TMEM132B: variants seen among roughly 807,000 people sequenced by gnomAD.
The protein encoded by TMEM132B is transmembrane protein 132B.
In TMEM132B, 18 loss-of-function variants were observed where a neutral mutation model predicts 90.8. The observed-to-expected ratio is 0.20, with a 90% CI of 0.14 to 0.29. The LOEUF is 0.29. Ranked by LOEUF, TMEM132B falls within the 10% of genes least tolerant of loss-of-function variation. The probability of loss-of-function intolerance (pLI) is 1.00; values close to 1 mark genes in which losing one functional copy is unlikely to be tolerated. For missense variants in TMEM132B, 1,096 were observed against 1,326.8 expected, an observed-to-expected ratio of 0.83 and a Z score of 2.70; for synonymous variants, 504 against 523.3, an observed-to-expected ratio of 0.96 and a Z score of 0.50.
chr12:125,596,452 G>T (rs576953393), intron 5 of TMEM132B, among the ~76,000 whole-genome samples: 1 of 152,230 alleles, frequency 6.6e-6, no homozygotes, highest in South Asian at 2.1e-4. Flanking sequence ...TTTCTAAACT[G>T]CTCTTTATTT....
rs1880567297 is a variant in TMEM132B, at chr12:125,432,544, G to GAT, written c.1106+16868_1106+16869insTA. ...ATATATATATAGAGAGAGAGAGAGA[G>GAT]AGAGAGAGAGAGAGAGAGAGAGAAA... On this transcript the variant is annotated intron_variant, in intron 3 of 8. Transcript: ENST00000682704. 8.5e-5 allele frequency among the ~76,000 whole-genome samples: 10 copies of GAT among 118,070 alleles called. 2 individuals are homozygous for GAT. Among genetic ancestry groups the GAT allele is most frequent in the African/African-American group, 2.9e-4 (8 of 27,842 alleles). The allele number at this position is 118,070 out of a possible 152,430, so 77.5% of individuals were successfully genotyped here.
chr12:125,542,449 T>C (rs1476023322), intron 4 of TMEM132B, among the ~76,000 whole-genome samples: 1 of 152,180 alleles, frequency 6.6e-6, no homozygotes, highest in Non-Finnish European at 1.5e-5. Context: ...TCCAGGACTG[T>C]TTTCATCTTA....
intron 6 of TMEM132B, among the ~76,000 whole-genome samples, chr12:125,649,598 G>A (rs981620193): frequency 2.6e-5 from 4 of 152,196 alleles, no homozygotes; most frequent in African/African-American, 7.2e-5. Flanking sequence ...CTGCGTGGGC[G>A]ATGGATGTCC....
rs564785168 is a variant in TMEM132B at position 125,288,598 on chromosome 12, G to A, written c.68-60854G>A. On this transcript the variant is annotated intron_variant, in intron 1 of 8. Transcript: ENST00000682704. ...GCTTTTTTGTTACTATGGGCATGCT[G>A]TGTGGGTATTCTTGGAATCACATCT... 3.9e-5 allele frequency among the ~76,000 whole-genome samples: 6 copies of A among 152,086 alleles called. No individual in the cohort carries two copies. The East Asian group carries it at 9.7e-4, about 25-fold the overall frequency.
In TMEM132B at chr12:125,461,371, CA is replaced by C. The variant is rs575114809; in HGVS notation, c.1106+45695del. Reference sequence around the variant, plus strand: ...CCTGGGAGGAGGAGTTCCTCTCAATCAGGGTCAAACCCACACATGCTCACTG... The same window carrying C: ...CCTGGGAGGAGGAGTTCCTCTCAATCGGGTCAAACCCACACATGCTCACTG... On this transcript the variant is annotated intron_variant, in intron 3 of 8. Coordinates refer to ENST00000682704, the MANE Select transcript of TMEM132B (RefSeq NM_001366854.1). Among the ~76,000 whole-genome samples the C allele has an allele frequency of 5.3e-5, 8 of 152,312 alleles. No individual in the cohort carries two copies. The South Asian group carries it at 1.7e-3, about 32-fold the overall frequency.
At chr12:125,203,201 C>T (rs1873105398) in intron 1 of TMEM132B, among the ~76,000 whole-genome samples, 1 of 152,192 alleles carries the variant, frequency 6.6e-6, no homozygotes, top group African/African-American at 2.4e-5. Context: ...AGCCATCTGC[C>T]AGTAATTACT....
At chr12:125,270,462 A>G (rs1240698862) in intron 1 of TMEM132B, among the ~76,000 whole-genome samples, 1 of 152,180 alleles carries the variant, frequency 6.6e-6, no homozygotes, top group Non-Finnish European at 1.5e-5. Flanking sequence ...AAGGGCTTGA[A>G]TGCAGGTAAT....
chr12:125,341,256 T>G (rs10846877), intron 1 of TMEM132B, among the ~76,000 whole-genome samples: 49,650 of 152,124 alleles, frequency 0.33, 9,567 homozygotes, highest in East Asian at 0.41. Flanking sequence ...ATAACTGCTC[T>G]GTGCCTCAGT....
intron 1 of TMEM132B, among the ~76,000 whole-genome samples, chr12:125,253,825 T>C (rs1254583308): frequency 6.6e-6 from 1 of 152,162 alleles, no homozygotes. Flanking sequence ...AATAATATGC[T>C]CAAGGTCACC....
chr12:125,508,370 G>A (rs1198703124), intron 3 of TMEM132B, among the ~76,000 whole-genome samples: 1 of 152,174 alleles, frequency 6.6e-6, no homozygotes, highest in Non-Finnish European at 1.5e-5. Flanking sequence ...CCTTAATGGA[G>A]AGCCCAGTGT....
chr12:125,384,742 C>T (rs1473440410), intron 2 of TMEM132B, among the ~76,000 whole-genome samples: 4 of 152,086 alleles, frequency 2.6e-5, no homozygotes, highest in Non-Finnish European at 2.9e-5. Flanking sequence ...CCTCTGCCTC[C>T]GAAGTTCAAG....
At position 125,432,511 on chromosome 12, in the gene TMEM132B, G is replaced by GTATATATATATA. The variant is rs746916124; in HGVS notation, c.1106+16841_1106+16852dup. On this transcript the variant is annotated intron_variant, in intron 3 of 8. Coordinates refer to ENST00000682704, the MANE Select transcript of TMEM132B (RefSeq NM_001366854.1). ...TGTATGTGTATATATATGTGTGTGTGTATATATATATATATATAGAGAGAG... is the reference window on the plus strand; with the variant it reads ...TGTATGTGTATATATATGTGTGTGTGTATATATATATATATATATATATATATATAGAGAGAG... Among the ~76,000 whole-genome samples the GTATATATATATA allele has an allele frequency of 1.5e-3, 27 of 18,550 alleles. 5 individuals carry two copies. Among genetic ancestry groups the GTATATATATATA allele is most frequent in the African/African-American group, 3.9e-3 (12 of 3,106 alleles). 12.2% of individuals were successfully genotyped at this position (18,550 alleles called of 152,430 possible). A position where few individuals can be genotyped will look rare whatever the true frequency, so the allele number is the denominator to read the frequency against.
intron 3 of TMEM132B, among the ~76,000 whole-genome samples, chr12:125,423,954 C>T (rs181876938): frequency 6.6e-6 from 1 of 152,276 alleles, no homozygotes; most frequent in African/African-American, 2.4e-5. Flanking sequence ...AAGTGGTTAA[C>T]CCTCTTCCCA....
intron 2 of TMEM132B, among the ~76,000 whole-genome samples, chr12:125,392,355 C>T (rs1879049318): frequency 6.6e-6 from 1 of 152,198 alleles, no homozygotes; most frequent in South Asian, 2.1e-4. Flanking sequence ...TATGCCAGGT[C>T]AGGCACTGTG....
intron 5 of TMEM132B, among the ~76,000 whole-genome samples, chr12:125,599,551 A>G (rs917060): frequency 0.38 from 57,719 of 151,878 alleles, 11,162 homozygotes; most frequent in South Asian, 0.43. Context: ...TGAGTGGTGT[A>G]GGGTGTGTGG....
chr12:125,614,238 A>G (rs1885930947), intron 5 of TMEM132B, among the ~76,000 whole-genome samples: 1 of 152,126 alleles, frequency 6.6e-6, no homozygotes, highest in Admixed American at 6.6e-5. Context: ...TAGTGAGAAT[A>G]GTGCCTGATA....
intron 3 of TMEM132B, among the ~76,000 whole-genome samples, chr12:125,435,345 G>A (rs983070086): frequency 6.6e-6 from 1 of 152,122 alleles, no homozygotes; most frequent in Non-Finnish European, 1.5e-5. Context: ...TTTCTGTCAC[G>A]GGGACCATAA....
chr12:125,502,672 A>AT (rs1882731473), intron 3 of TMEM132B, among the ~76,000 whole-genome samples: 1 of 152,204 alleles, frequency 6.6e-6, no homozygotes, highest in Admixed American at 6.5e-5. Flanking sequence ...TGCCTTATCT[A>AT]TTTTTTATTT....
chr12:125,545,189 A>T (rs191857903), intron 4 of TMEM132B, among the ~76,000 whole-genome samples: 2 of 152,328 alleles, frequency 1.3e-5, no homozygotes, highest in Non-Finnish European at 2.9e-5. Context: ...TTGCTCTCCA[A>T]GGTTAATGTT....
Sources: gnomAD v4.1 joint callset for allele counts (sites outside exome capture counted in the v4.1 genomes callset) on GRCh38, gnomAD v4.1.1 for gene constraint, MANE v1.5 for transcripts, NCBI Gene and HGNC (gene_info 2026-07-23, HGNC 2026-07-21) for gene names.